Variants in WDFY2 observed in about 807,000 individuals in gnomAD.
WDFY2 encodes WD repeat and FYVE domain containing 2, also known as WD repeat and FYVE domain-containing protein 2.
Under a neutral mutation model 56.4 loss-of-function variants are expected in WDFY2, and 36 were observed. The observed-to-expected ratio is 0.64, with a 90% CI of 0.49 to 0.84. The LOEUF (loss-of-function observed/expected upper bound fraction) is 0.84. WDFY2 is among the 40% of genes least tolerant of loss of function. The probability of loss-of-function intolerance (pLI) is 0.00; values close to 1 mark genes in which losing one functional copy is unlikely to be tolerated. For synonymous variants in WDFY2, 176 were observed against 183.7 expected (o/e 0.96, Z 0.34); for missense variants, 444 against 512.2 (o/e 0.87, Z 1.29).
chr13:51,668,801 C>G (rs746960797), intron 2 of WDFY2, among the ~76,000 whole-genome samples: 30 of 152,176 alleles, frequency 2.0e-4, no homozygotes, highest in Non-Finnish European at 3.7e-4. Flanking sequence ...CCAAATAATG[C>G]CCTTAGCATT....
At chr13:51,641,853 A>AC (rs1955173089) in intron 1 of WDFY2, among the ~76,000 whole-genome samples, 1 of 147,770 alleles carries the variant, frequency 6.8e-6, no homozygotes, top group Non-Finnish European at 1.5e-5. Context: ...AAAAAAAAAA[A>AC]ATATTTTGTC....
At chr13:51,585,602 T>C (rs747270129) in intron 1 of WDFY2, among the ~76,000 whole-genome samples, 6 of 152,258 alleles carry the variant, frequency 3.9e-5, no homozygotes, top group African/African-American at 1.4e-4. Context: ...TCCTTGAATA[T>C]GCAGGAATAA....
intron 3 of WDFY2, among the ~76,000 whole-genome samples, chr13:51,690,476 G>C (rs1462844883): frequency 6.6e-6 from 1 of 151,674 alleles, no homozygotes; most frequent in Non-Finnish European, 1.5e-5. Flanking sequence ...ATAGTTTACT[G>C]AGAATAATGA....
intron 6 of WDFY2, among the ~76,000 whole-genome samples, chr13:51,732,170 G>A (rs528069902): frequency 2.6e-5 from 4 of 152,040 alleles, no homozygotes; most frequent in East Asian, 1.9e-4. Context: ...TCGCTCTGTC[G>A]TCCAGGCTGG....
In WDFY2 at chr13:51,584,677, C is replaced by T; in HGVS notation, c.-11C>T. ...GTTGGCGGCGGCGCCCCAGGCGCGCCCCCTCCTCCGATGGCGGCGGAGATC... is the reference window on the plus strand; with the variant it reads ...GTTGGCGGCGGCGCCCCAGGCGCGCTCCCTCCTCCGATGGCGGCGGAGATC... On this transcript the variant is annotated 5_prime_UTR_variant, in exon 1 of 12. Transcript: ENST00000298125. 1 of 1,608,750 alleles carries T rather than the reference C, an allele frequency of 6.2e-7. No individual in the cohort carries two copies. The highest frequency in any genetic ancestry group is 2.2e-5 in the East Asian group (1 of 44,756).
chr13:51,758,953 C>A (rs569680159), intron 11 of WDFY2, among the ~76,000 whole-genome samples: 11 of 152,168 alleles, frequency 7.2e-5, no homozygotes, highest in African/African-American at 2.6e-4. Context: ...GGAGGTGAGA[C>A]GGAGGATCAC....
chr13:51,682,863 A>G (rs1476601926), intron 3 of WDFY2, among the ~76,000 whole-genome samples: 1 of 152,200 alleles, frequency 6.6e-6, no homozygotes, highest in African/African-American at 2.4e-5. Flanking sequence ...GGCCAGTTCC[A>G]AGGGGAGGAA....
At chr13:51,612,818 C>A (rs1954529437) in intron 1 of WDFY2, among the ~76,000 whole-genome samples, 1 of 152,134 alleles carries the variant, frequency 6.6e-6, no homozygotes, top group South Asian at 2.1e-4. Context: ...CTCCCCCTTA[C>A]AGGTAGAGGG....
intron 1 of WDFY2, among the ~76,000 whole-genome samples, chr13:51,637,210 A>G (rs181502130): frequency 6.6e-6 from 1 of 152,330 alleles, no homozygotes; most frequent in East Asian, 1.9e-4. Flanking sequence ...CAGGGATTTC[A>G]TTGAGCAAGT....
chr13:51,664,990 C>A (rs896950241), intron 2 of WDFY2, among the ~76,000 whole-genome samples: 1 of 152,324 alleles, frequency 6.6e-6, no homozygotes, highest in South Asian at 2.1e-4. Flanking sequence ...TGGTTCCTGT[C>A]TTTGCAGTGT....
At chr13:51,619,240 C>G (rs1309636006) in intron 1 of WDFY2, among the ~76,000 whole-genome samples, 1 of 152,086 alleles carries the variant, frequency 6.6e-6, no homozygotes, top group African/African-American at 2.4e-5. Context: ...ACTGCTTGAG[C>G]CCAGGAGTTT....
At chr13:51,753,278 C>G (rs1953278855) in intron 8 of WDFY2, among the ~76,000 whole-genome samples, 1 of 152,132 alleles carries the variant, frequency 6.6e-6, no homozygotes. Context: ...GAGAAGCAGT[C>G]AGAGATGAGA....
At chr13:51,668,839 C>T (rs182358576) in intron 2 of WDFY2, among the ~76,000 whole-genome samples, 1 of 152,312 alleles carries the variant, frequency 6.6e-6, no homozygotes, top group East Asian at 1.9e-4. Context: ...AAATCCGCAG[C>T]TTAACCTTCA....
intron 1 of WDFY2, chr13:51,589,963 T>C (rs1353431864): frequency 6.6e-6 from 1 of 152,200 alleles, no homozygotes; most frequent in East Asian, 1.9e-4. Context: ...GCTGCCTCTG[T>C]GTTTCCAAAG....
chr13:51,727,744 G>A lies in WDFY2; in HGVS notation c.552G>A (p.Leu184=). The part of the protein sequence containing the change: ...DHSGQVTILK[L]EQENCTLVTT... ...CAGGCCAAGTAACAATCCTCAAACT[G>A]GAGCAAGAAAACTGCACCCTGGTCA... is the stretch of plus-strand genomic sequence containing the variant. Residue 184 remains leucine, a synonymous_variant, in exon 6 of 12, where the codon CTG becomes CTA. Coordinates refer to ENST00000298125, the MANE Select transcript of WDFY2 (RefSeq NM_052950.4). 6.2e-7 allele frequency: 1 copy of A among 1,614,126 alleles called. No individual in the cohort carries two copies.
At chr13:51,721,503 C>A (rs1952490010) in intron 5 of WDFY2, among the ~76,000 whole-genome samples, 1 of 152,124 alleles carries the variant, frequency 6.6e-6, no homozygotes, top group Non-Finnish European at 1.5e-5. Flanking sequence ...ACCACCACAG[C>A]TCCTCCCTTC....
chr13:51,723,022 C>A (rs1173308783), intron 5 of WDFY2, among the ~76,000 whole-genome samples: 3 of 152,110 alleles, frequency 2.0e-5, no homozygotes, highest in African/African-American at 7.2e-5. Context: ...GAATGTTTCC[C>A]ACCTAATGTA....
In WDFY2 at chr13:51,763,091, A is replaced by T. The variant is rs1953639712; in HGVS notation, c.*3322A>T. The stretch of plus-strand genomic sequence containing the variant: ...ATCTTCAGAGATCTAGAGTGTTTCA[A>T]GCAGAAAACACATTAGTTATACAGG... On this transcript the variant is annotated 3_prime_UTR_variant, in exon 12 of 12. Coordinates refer to ENST00000298125, the MANE Select transcript of WDFY2 (RefSeq NM_052950.4). 6.6e-6 allele frequency: 1 copy of T among 152,218 alleles called. No individual in the cohort carries two copies. The highest frequency in any genetic ancestry group is 2.4e-5 in the African/African-American group (1 of 41,458). The allele number at this position is 152,218 out of a possible 1,614,324, so 9.4% of individuals were successfully genotyped here.
chr13:51,736,380 C>T (rs1350848492), intron 6 of WDFY2, among the ~76,000 whole-genome samples: 3 of 152,190 alleles, frequency 2.0e-5, no homozygotes, highest in Non-Finnish European at 4.4e-5. Context: ...GTTCCAGAGC[C>T]TGTACACTTA....
Sources: gnomAD v4.1 joint callset for allele counts (sites outside exome capture counted in the v4.1 genomes callset) on GRCh38, gnomAD v4.1.1 for gene constraint, MANE v1.5 for transcripts, NCBI Gene and HGNC (gene_info 2026-07-23, HGNC 2026-07-21) for gene names.